NAV3: variants seen among roughly 807,000 people sequenced by gnomAD.
NAV3 encodes neuron navigator 3.
NAV3 carries 87 observed loss-of-function variants against 244.7 expected under a neutral mutation model. The ratio of observed to expected loss-of-function variants is 0.36; its 90% CI spans 0.30 to 0.42. The LOEUF (loss-of-function observed/expected upper bound fraction) is 0.42, where lower values mean the gene tolerates loss of function less well. NAV3 is among the 20% of genes least tolerant of loss of function. The pLI, the probability that NAV3 is intolerant of heterozygous loss-of-function variation, is 1.00. For missense variants in NAV3, 2,663 were observed against 2,893.3 expected, an observed-to-expected ratio of 0.92 and a Z score of 1.83; for synonymous variants, 1,126 against 1,042.2, an observed-to-expected ratio of 1.08 and a Z score of -1.55.
chr12:77,741,148 C>CAAAAAAAAAAAAAAAAAAAAA lies in NAV3; in HGVS notation c.72+168900_72+168901insAAAAAAAAAAAAAAAAAAAAA. 9.7e-3 allele frequency among the ~76,000 whole-genome samples: 667 copies of CAAAAAAAAAAAAAAAAAAAAA among 68,452 alleles called. 2 individuals carry two copies. Among genetic ancestry groups the CAAAAAAAAAAAAAAAAAAAAA allele is most frequent in the Middle Eastern group, 0.014 (1 of 70 alleles). 44.9% of individuals were successfully genotyped at this position (68,452 alleles called of 152,430 possible). A position where few individuals can be genotyped will look rare whatever the true frequency, so the allele number is the denominator to read the frequency against. ...GAAATAGTCAAAGAAAAAAAAAAGA[C>CAAAAAAAAAAAAAAAAAAAAA]AAAAAAAAAAAAAAAAAAGAAAAGA... On this transcript the variant is annotated intron_variant, in intron 2 of 8. Transcript: ENST00000550042.
chr12:77,573,036 C>T (rs1019322625), intron 2 of NAV3, among the ~76,000 whole-genome samples: 1 of 152,154 alleles, frequency 6.6e-6, no homozygotes, highest in Middle Eastern at 3.2e-3. Context: ...AATGTATCAT[C>T]TTTTGCAGTG....
At chr12:77,619,870 GTC>G (rs1185326530) in intron 2 of NAV3, among the ~76,000 whole-genome samples, 2 of 151,366 alleles carry the variant, frequency 1.3e-5, no homozygotes, top group Non-Finnish European at 1.5e-5. Context: ...GTGACAAAAA[GTC>G]TCTCTCTCTC....
At chr12:77,896,134 G>A (rs1372519943) in intron 1 of NAV3, among the ~76,000 whole-genome samples, 1 of 152,050 alleles carries the variant, frequency 6.6e-6, no homozygotes, top group Non-Finnish European at 1.5e-5. Context: ...ATTTTCAAGA[G>A]ACAGATCGCT....
In NAV3 at chr12:78,064,395, G is replaced by GTGTCTGTC. The variant is rs3054540; in HGVS notation, c.2636+5307_2636+5314dup. On this transcript the variant is annotated intron_variant, in intron 12 of 39. Coordinates refer to ENST00000397909, the MANE Select transcript of NAV3 (RefSeq NM_001024383.2). ...TGCTCCTGGAGACATCTATCTATCT[G>GTGTCTGTC]TGTCTGTCTGTCTGTCTGTCTGTCT... 2.4e-3 allele frequency among the ~76,000 whole-genome samples: 330 copies of GTGTCTGTC among 140,032 alleles called. 1 individual carries two copies. Among genetic ancestry groups the GTGTCTGTC allele is most frequent in the East Asian group, 9.0e-3 (41 of 4,572 alleles). The allele number at this position is 140,032 out of a possible 152,430, so 91.9% of individuals were successfully genotyped here.
rs1879953101 is a variant in NAV3, at chr12:78,036,782, A to T, written c.2024-13211A>T. 5 of 601,790 alleles carry T rather than the reference A, an allele frequency of 8.3e-6. No individual in the cohort carries two copies. The Admixed American group carries it at 1.2e-4, about 14-fold the overall frequency. 37.3% of individuals were successfully genotyped at this position (601,790 alleles called of 1,614,324 possible). ...TTTTATTGAAGTGCATGTGATAATC[A>T]AAATCAAATGGATCAGTTACAATCA... On this transcript the variant is annotated intron_variant, in intron 9 of 39. Coordinates refer to ENST00000397909, the MANE Select transcript of NAV3 (RefSeq NM_001024383.2).
chr12:77,701,342 C>A (rs1226343472), intron 2 of NAV3, among the ~76,000 whole-genome samples: 2 of 151,860 alleles, frequency 1.3e-5, no homozygotes, highest in South Asian at 2.1e-4. Context: ...AGAATGTTAG[C>A]CATACTATTC....
intron 1 of NAV3, among the ~76,000 whole-genome samples, chr12:77,834,000 C>T (rs1874182818): frequency 6.6e-6 from 1 of 151,582 alleles, no homozygotes; most frequent in African/African-American, 2.4e-5. Flanking sequence ...TTTCGACGTC[C>T]AGCCGCTTGT....
chr12:78,198,254 A>G (rs1292270539), intron 35 of NAV3, among the ~76,000 whole-genome samples: 2 of 151,914 alleles, frequency 1.3e-5, no homozygotes, highest in Non-Finnish European at 2.9e-5. Flanking sequence ...TGAAATATTA[A>G]AATAGTAAAA....
At chr12:77,888,646 G>A (rs189150775) in intron 1 of NAV3, among the ~76,000 whole-genome samples, 1 of 152,194 alleles carries the variant, frequency 6.6e-6, no homozygotes, top group East Asian at 1.9e-4. Context: ...TAAGTCTTTG[G>A]GTTGGAGTCA....
chr12:78,193,838 G>A (rs776854916), intron 34 of NAV3, among the ~76,000 whole-genome samples: 1 of 152,054 alleles, frequency 6.6e-6, no homozygotes, highest in Non-Finnish European at 1.5e-5. Flanking sequence ...TAAAGGCTCT[G>A]ATTGTCCAAA....
chr12:77,571,994 G>C (rs1868848622), exon 2 of NAV3: 1 of 153,104 alleles, frequency 6.5e-6, no homozygotes, highest in South Asian at 2.1e-4. Flanking sequence ...TGCTGATTTG[G>C]AAGGTCCTGG....
At chr12:78,027,657 G>A (rs986156964) in intron 9 of NAV3, among the ~76,000 whole-genome samples, 1 of 152,000 alleles carries the variant, frequency 6.6e-6, no homozygotes, top group Non-Finnish European at 1.5e-5. Context: ...GCATTCTCAG[G>A]GGAAAAAATA....
chr12:77,834,517 A>C (rs2136107786), intron 1 of NAV3, among the ~76,000 whole-genome samples: 1 of 152,352 alleles, frequency 6.6e-6, no homozygotes, highest in South Asian at 2.1e-4. Context: ...TGTATCCACA[A>C]GTCTGTATGG....
At chr12:77,627,769 A>C (rs1328800795) in intron 2 of NAV3, among the ~76,000 whole-genome samples, 1 of 152,226 alleles carries the variant, frequency 6.6e-6, no homozygotes, top group Non-Finnish European at 1.5e-5. Flanking sequence ...CAAAATATGG[A>C]ATCAACCTAA....
intron 9 of NAV3, among the ~76,000 whole-genome samples, chr12:78,044,495 G>A (rs146992991): frequency 0.012 from 1,757 of 152,218 alleles, 16 homozygotes; most frequent in Middle Eastern, 0.078. Context: ...TATGGGGATA[G>A]CATTGAATCT....
intron 12 of NAV3, among the ~76,000 whole-genome samples, chr12:78,090,954 CTG>C (rs10581059): frequency 0.16 from 22,918 of 142,216 alleles, 1,891 homozygotes; most frequent in East Asian, 0.43. Flanking sequence ...GTGCTGTATT[CTG>C]TGTGTGTGTG....
intron 12 of NAV3, among the ~76,000 whole-genome samples, chr12:78,098,828 T>G (rs1416871866): frequency 6.6e-6 from 1 of 151,784 alleles, no homozygotes; most frequent in Non-Finnish European, 1.5e-5. Flanking sequence ...CTAAGTAAGT[T>G]ATAGAAAAAC....
At position 77,998,359 on chromosome 12, in the gene NAV3, C is replaced by A. The variant is rs373504958; in HGVS notation, c.763C>A (p.Pro255Thr). 36 of 1,592,226 alleles carry A rather than the reference C, an allele frequency of 2.3e-5. No homozygotes were observed. Among genetic ancestry groups the A allele is most frequent in the East Asian group, 1.6e-4 (7 of 43,848 alleles). Residue 255 changes from proline (P) to threonine (T), a missense_variant, in exon 7 of 40, where the codon CCT (proline) becomes ACT (threonine). By Grantham distance (38) the Pro-to-Thr change is conservative (BLOSUM62 -1). Transcript: ENST00000397909. Reference sequence around the variant, plus strand: ...CAGGCTTCCAGGGCCCTCTAGGGTGCCTGCTGCAGGAAGCAGCAGCAAGGT... The same window carrying A: ...CAGGCTTCCAGGGCCCTCTAGGGTGACTGCTGCAGGAAGCAGCAGCAAGGT... ...PTRLPGPSRV[P>T]AAGSSSKVQG...
intron 2 of NAV3, among the ~76,000 whole-genome samples, chr12:77,666,507 G>T (rs1447505327): frequency 3.3e-5 from 5 of 151,880 alleles, no homozygotes; most frequent in African/African-American, 1.2e-4. Flanking sequence ...GAAAAAAAAA[G>T]AATACTCCAC....
Sources: gnomAD v4.1 joint callset for allele counts (sites outside exome capture counted in the v4.1 genomes callset) on GRCh38, gnomAD v4.1.1 for gene constraint, MANE v1.5 for transcripts, NCBI Gene and HGNC (gene_info 2026-07-23, HGNC 2026-07-21) for gene names.